Variants in CDH8 observed in about 807,000 individuals in gnomAD.
The protein encoded by CDH8 is cadherin-8.
In CDH8, 17 loss-of-function variants were observed where a neutral mutation model predicts 68.1. The observed-to-expected ratio is 0.25, with a 90% CI of 0.17 to 0.37. The LOEUF (loss-of-function observed/expected upper bound fraction) is 0.37, where lower values mean the gene tolerates loss of function less well. Among genes scored for constraint, CDH8 ranks in the 10% least tolerant of loss-of-function variants. The pLI is 1.00. For synonymous variants in CDH8, 372 were observed against 365.1 expected (o/e 1.02, Z -0.21); for missense variants, 763 against 999.3 (o/e 0.76, Z 3.19).
chr16:61,739,789 G>A (rs1959809507), intron 8 of CDH8, among the ~76,000 whole-genome samples: 1 of 143,370 alleles, frequency 7.0e-6, no homozygotes, highest in African/African-American at 2.6e-5. Flanking sequence ...AACAAACCAA[G>A]AAACCTAGGG....
At position 61,647,934 on chromosome 16, in the gene CDH8, T is replaced by C. The variant is rs1047357825; in HGVS notation, c.*5674A>G. The C allele has an allele frequency of 3.0e-6, 2 of 677,146 alleles. No individual in the cohort carries two copies. Among genetic ancestry groups the C allele is most frequent in the African/African-American group, 3.6e-5 (2 of 55,654 alleles). 41.9% of individuals were successfully genotyped at this position (677,146 alleles called of 1,614,324 possible). A position where few individuals can be genotyped will look rare whatever the true frequency, so the allele number is the denominator to read the frequency against. On this transcript the variant is annotated 3_prime_UTR_variant, in exon 12 of 12. Transcript: ENST00000577390. ...ATCTATTATCTATTAGTAGGGATAC[T>C]TGCAAGAAATAATACTTGCATTCAA...
At chr16:61,678,755 C>A (rs1385532099) in intron 10 of CDH8, among the ~76,000 whole-genome samples, 1 of 152,150 alleles carries the variant, frequency 6.6e-6, no homozygotes, top group East Asian at 1.9e-4. Context: ...TTTGAGTTCT[C>A]TTACTGGTAA....
chr16:61,710,200 CCT>C (rs1437539627), intron 10 of CDH8, among the ~76,000 whole-genome samples: 1 of 152,044 alleles, frequency 6.6e-6, no homozygotes, highest in Non-Finnish European at 1.5e-5. Context: ...GGTATTTTAT[CCT>C]GGTGTCACAG....
chr16:61,982,360 C>G (rs996500666), intron 2 of CDH8, among the ~76,000 whole-genome samples: 6 of 152,126 alleles, frequency 3.9e-5, no homozygotes, highest in Non-Finnish European at 8.8e-5. Flanking sequence ...GCTGGGACTA[C>G]AGGCGCCCGC....
chr16:61,860,493 G>C (rs1963130314), intron 3 of CDH8, among the ~76,000 whole-genome samples: 1 of 152,144 alleles, frequency 6.6e-6, no homozygotes, highest in African/African-American at 2.4e-5. Flanking sequence ...ACAGAGTTCA[G>C]AGACTTATGA....
chr16:61,741,157 T>G (rs1959862483), intron 8 of CDH8, among the ~76,000 whole-genome samples: 1 of 152,168 alleles, frequency 6.6e-6, no homozygotes, highest in Admixed American at 6.5e-5. Context: ...ATTTGATACT[T>G]AGGGCCTTTT....
intron 6 of CDH8, among the ~76,000 whole-genome samples, chr16:61,819,723 G>A (rs1019220979): frequency 7.2e-5 from 11 of 152,048 alleles, no homozygotes; most frequent in Admixed American, 6.6e-4. Flanking sequence ...TTGGAAATAT[G>A]TCTCGTGTAA....
At chr16:61,655,368 C>T (rs1394855558) in intron 11 of CDH8, 102 bp downstream of exon 11, 57 of 1,159,774 alleles carry the variant, frequency 4.9e-5, no homozygotes, top group Non-Finnish European at 6.2e-5. Flanking sequence ...TCTTCCCCAA[C>T]GGAATGCTCT....
At chr16:61,827,804 C>G (rs1473824190) in intron 4 of CDH8, among the ~76,000 whole-genome samples, 2 of 151,830 alleles carry the variant, frequency 1.3e-5, no homozygotes, top group Non-Finnish European at 2.9e-5. Context: ...GTAAGGGGCA[C>G]TGACCCCACG....
At chr16:61,975,824 G>A (rs1597102885) in intron 2 of CDH8, among the ~76,000 whole-genome samples, 1 of 152,162 alleles carries the variant, frequency 6.6e-6, no homozygotes, top group Non-Finnish European at 1.5e-5. Flanking sequence ...AAGGTCACAA[G>A]GCTTGTAAGT....
chr16:61,796,865 G>A (rs528593140), intron 7 of CDH8, among the ~76,000 whole-genome samples: 59 of 152,128 alleles, frequency 3.9e-4, no homozygotes, highest in Admixed American at 9.8e-4. Flanking sequence ...GAGTAGCTTC[G>A]AGAGATCAAA....
chr16:61,822,322 A>G (rs1272382754), intron 5 of CDH8, among the ~76,000 whole-genome samples: 2 of 142,582 alleles, frequency 1.4e-5, no homozygotes, highest in Non-Finnish European at 1.5e-5. Context: ...TAAACTTACA[A>G]TCAAATTCTT....
intron 7 of CDH8, among the ~76,000 whole-genome samples, chr16:61,814,337 T>C (rs8047937): frequency 0.031 from 4,727 of 152,320 alleles, 236 homozygotes; most frequent in African/African-American, 0.11. Flanking sequence ...AAGGAACTAA[T>C]TAATGTTCCT....
At chr16:61,791,008 G>A (rs1384606249) in intron 7 of CDH8, among the ~76,000 whole-genome samples, 1 of 151,344 alleles carries the variant, frequency 6.6e-6, no homozygotes, top group African/African-American at 2.4e-5. Context: ...GCCCACCAAA[G>A]ATAAGCATAA....
chr16:61,748,620 T>C (rs1328106471), intron 8 of CDH8, among the ~76,000 whole-genome samples: 1 of 151,986 alleles, frequency 6.6e-6, no homozygotes, highest in Non-Finnish European at 1.5e-5. Flanking sequence ...TTAGTCCTTC[T>C]AAATGTCGTT....
At chr16:61,818,491 C>A (rs1205688897) in intron 6 of CDH8, among the ~76,000 whole-genome samples, 1 of 152,096 alleles carries the variant, frequency 6.6e-6, no homozygotes, top group East Asian at 1.9e-4. Flanking sequence ...CCCCACAAAC[C>A]ACTTAAAAGC....
intron 2 of CDH8, among the ~76,000 whole-genome samples, chr16:61,960,349 GTGTGTGTGTATACACATACATATATACA>G (rs1965126217): frequency 2.7e-4 from 6 of 22,054 alleles, no homozygotes; most frequent in African/African-American, 5.6e-4. Flanking sequence ...ATATATACAT[GTGTGTGTGTATACACATACATATATACA>G]TGTGTGTGTG....
intron 2 of CDH8, among the ~76,000 whole-genome samples, chr16:61,910,071 A>T (rs1158616389): frequency 6.6e-6 from 1 of 152,156 alleles, no homozygotes; most frequent in Admixed American, 6.6e-5. Flanking sequence ...AATTTCTAAG[A>T]TTCTTAAATA....
At chr16:61,938,134 A>T (rs1964655787) in intron 2 of CDH8, among the ~76,000 whole-genome samples, 1 of 152,150 alleles carries the variant, frequency 6.6e-6, no homozygotes, top group Non-Finnish European at 1.5e-5. Flanking sequence ...AATTCTCCAA[A>T]TCATATATAA....
Sources: gnomAD v4.1 joint callset for allele counts (sites outside exome capture counted in the v4.1 genomes callset) on GRCh38, gnomAD v4.1.1 for gene constraint, MANE v1.5 for transcripts, NCBI Gene and HGNC (gene_info 2026-07-23, HGNC 2026-07-21) for gene names.